The following TNRC6B variants were observed in gnomAD, a reference collection of about 807,000 sequenced individuals.
TNRC6B encodes trinucleotide repeat-containing gene 6B protein.
TNRC6B carries 52 observed loss-of-function variants against 203.6 expected under a neutral mutation model. The observed-to-expected ratio is 0.26, with a 90% CI of 0.20 to 0.32. The LOEUF (loss-of-function observed/expected upper bound fraction) is 0.32, where lower values mean the gene tolerates loss of function less well. Ranked by LOEUF, TNRC6B falls within the 10% of genes least tolerant of loss-of-function variation. The pLI, the probability that TNRC6B is intolerant of heterozygous loss-of-function variation, is 1.00. For missense variants in TNRC6B, 1,923 were observed against 2,286.2 expected, an observed-to-expected ratio of 0.84 and a Z score of 3.24; for synonymous variants, 838 against 845.7, an observed-to-expected ratio of 0.99 and a Z score of 0.16.
intron 13 of TNRC6B, 21 bp from the exon 14 acceptor site, chr22:40,300,889 T>C (rs768803760): frequency 1.2e-6 from 2 of 1,609,926 alleles, no homozygotes; most frequent in South Asian, 1.1e-5. Flanking sequence ...TGGTTTTCTG[T>C]CTTTCCCCCT....
rs1210757647 is a variant in TNRC6B at position 40,332,273 on chromosome 22, T to C, written c.*9032T>C. On this transcript the variant is annotated 3_prime_UTR_variant, in exon 23 of 23. Coordinates refer to ENST00000454349, the MANE Select transcript of TNRC6B (RefSeq NM_001162501.2). Reference sequence around the variant, plus strand: ...CTTTGTGGGGAAGAGGGCTGTTGCTTGTCAGGCAAAAAAGTTTTCTCTTCC... The same window carrying C: ...CTTTGTGGGGAAGAGGGCTGTTGCTCGTCAGGCAAAAAAGTTTTCTCTTCC... 2 of 152,530 alleles carry C rather than the reference T, an allele frequency of 1.3e-5. No homozygotes were observed. Among genetic ancestry groups the C allele is most frequent in the Non-Finnish European group, 2.9e-5 (2 of 68,036 alleles). 9.4% of individuals were successfully genotyped at this position (152,530 alleles called of 1,614,324 possible).
intron 1 of TNRC6B, among the ~76,000 whole-genome samples, chr22:40,048,858 T>C (rs138218644): frequency 1.3e-5 from 2 of 152,086 alleles, no homozygotes; most frequent in East Asian, 3.9e-4. Context: ...TTCTTGTCTT[T>C]CTGACAGAGT....
chr22:40,083,826 T>C (rs560613713), intron 1 of TNRC6B, among the ~76,000 whole-genome samples: 1 of 152,162 alleles, frequency 6.6e-6, no homozygotes. Context: ...CAGATCGTTG[T>C]ATTATGGTAT....
At chr22:40,304,916 G>A (rs1033117229) in intron 15 of TNRC6B, among the ~76,000 whole-genome samples, 4 of 152,162 alleles carry the variant, frequency 2.6e-5, no homozygotes, top group African/African-American at 9.7e-5. Context: ...ACTTAGAACA[G>A]TTGTGTTAGG....
At chr22:40,279,928 G>T (rs1334264180) in intron 9 of TNRC6B, 67 bp from the exon 10 acceptor site, 1 of 1,470,234 alleles carries the variant, frequency 6.8e-7, no homozygotes, top group Non-Finnish European at 9.5e-7. Flanking sequence ...AGTGGGGCAG[G>T]TCACTCTTGG....
chr22:40,208,125 AAAAAAAAC>A lies in TNRC6B; in HGVS notation c.5+29996_5+30003del, dbSNP rs1476138495. Among the ~76,000 whole-genome samples, 329 of 149,976 alleles carry A rather than the reference AAAAAAAAC, an allele frequency of 2.2e-3. 2 individuals carry two copies. Among genetic ancestry groups the A allele is most frequent in the Non-Finnish European group, 3.5e-3 (238 of 67,106 alleles). On this transcript the variant is annotated intron_variant, in intron 1 of 22. Transcript: ENST00000454349. ...GGACTCCATCTCAAAAAAAAAAAAA[AAAAAAAAC>A]AAAAAAACAAGAAAAAAACAAGTTT...
intron 2 of TNRC6B, among the ~76,000 whole-genome samples, chr22:40,248,464 A>C (rs1240546760): frequency 6.6e-6 from 1 of 152,250 alleles, no homozygotes; most frequent in African/African-American, 2.4e-5. Context: ...TAGAGAGTAT[A>C]TATTCCTCTT....
intron 3 of TNRC6B, among the ~76,000 whole-genome samples, chr22:40,149,326 A>G (rs1487587840): frequency 1.3e-5 from 2 of 152,166 alleles, no homozygotes; most frequent in East Asian, 3.9e-4. Flanking sequence ...ATCTATAGTG[A>G]TAGAAAGTTC....
At chr22:40,120,478 T>G (rs1051460317) in intron 2 of TNRC6B, among the ~76,000 whole-genome samples, 1 of 152,142 alleles carries the variant, frequency 6.6e-6, no homozygotes, top group African/African-American at 2.4e-5. Context: ...TGGAAAGATT[T>G]GCCTGCGTGA....
chr22:40,234,537 A>G (rs1403821916), intron 1 of TNRC6B, among the ~76,000 whole-genome samples: 1 of 152,236 alleles, frequency 6.6e-6, no homozygotes, highest in Non-Finnish European at 1.5e-5. Context: ...GCGTTTAACA[A>G]GATACCCATT....
intron 1 of TNRC6B, among the ~76,000 whole-genome samples, chr22:40,052,934 T>C (rs917182664): frequency 6.6e-6 from 1 of 152,234 alleles, no homozygotes; most frequent in Non-Finnish European, 1.5e-5. Flanking sequence ...ATGCTTTGTC[T>C]TTCTAGTTAG....
intron 1 of TNRC6B, among the ~76,000 whole-genome samples, chr22:40,083,151 A>C (rs1415712803): frequency 2.6e-5 from 4 of 152,226 alleles, no homozygotes; most frequent in Non-Finnish European, 4.4e-5. Context: ...ATAGAATCAG[A>C]GGAGGATGAA....
At chr22:40,111,231 G>A (rs1426149081) in intron 1 of TNRC6B, among the ~76,000 whole-genome samples, 5 of 152,242 alleles carry the variant, frequency 3.3e-5, no homozygotes, top group Admixed American at 3.3e-4. Context: ...AAACCACGTG[G>A]TGCTCAAGGG....
intron 19 of TNRC6B, among the ~76,000 whole-genome samples, chr22:40,314,008 A>G (rs2071222904): frequency 6.6e-6 from 1 of 151,948 alleles, no homozygotes; most frequent in Admixed American, 6.6e-5. Context: ...CCTACATTAC[A>G]CTTTTGTAGG....
intron 3 of TNRC6B, among the ~76,000 whole-genome samples, chr22:40,148,838 T>C (rs1568998509): frequency 6.6e-6 from 1 of 152,122 alleles, no homozygotes; most frequent in South Asian, 2.1e-4. Flanking sequence ...AAAAATACCA[T>C]GTGAAACTGA....
chr22:40,103,041 C>T (rs1209147062), intron 1 of TNRC6B, among the ~76,000 whole-genome samples: 2 of 152,002 alleles, frequency 1.3e-5, no homozygotes, highest in Non-Finnish European at 2.9e-5. Flanking sequence ...CGCACCATTG[C>T]ACTCCAGCCT....
At chr22:40,236,611 C>G (rs1195525585) in intron 1 of TNRC6B, among the ~76,000 whole-genome samples, 2 of 152,164 alleles carry the variant, frequency 1.3e-5, no homozygotes, top group Non-Finnish European at 2.9e-5. Flanking sequence ...GGTTTTGATG[C>G]TGTTACAGCC....
Position 40,095,898 on chromosome 22 carries a change from A to G in TNRC6B, c.-120-21157A>G, listed in dbSNP as rs776415030. On this transcript the variant is annotated intron_variant, in intron 1 of 23. Transcript: ENST00000301923. Reference sequence around the variant, plus strand: ...ACAAGTACCACAACCTGTAACCCTCATGCTCAAGGCGGATGTTATTGATAA... The same window carrying G: ...ACAAGTACCACAACCTGTAACCCTCGTGCTCAAGGCGGATGTTATTGATAA... Among the ~76,000 whole-genome samples, 111 of 151,994 alleles carry G rather than the reference A, an allele frequency of 7.3e-4. 1 individual carries two copies. Among genetic ancestry groups the G allele is most frequent in the Non-Finnish European group, 1.4e-3 (97 of 67,994 alleles).
Position 40,329,125 on chromosome 22 carries a change from T to C in TNRC6B, c.*5884T>C, listed in dbSNP as rs984886521. On this transcript the variant is annotated 3_prime_UTR_variant, in exon 23 of 23. Transcript: ENST00000454349. ...CCGCGTGATGATGCGGATGAAAATA[T>C]TCTGGTCTGTGTGTATACAATGAAT... 2.0e-5 allele frequency: 3 copies of C among 152,426 alleles called. No homozygotes were observed. The highest frequency in any genetic ancestry group is 7.2e-5 in the African/African-American group (3 of 41,576). The allele number at this position is 152,426 out of a possible 1,614,324, so 9.4% of individuals were successfully genotyped here. A position where few individuals can be genotyped will look rare whatever the true frequency, so the allele number is the denominator to read the frequency against.
Sources: gnomAD v4.1 joint callset for allele counts (sites outside exome capture counted in the v4.1 genomes callset) on GRCh38, gnomAD v4.1.1 for gene constraint, MANE v1.5 for transcripts, NCBI Gene and HGNC (gene_info 2026-07-23, HGNC 2026-07-21) for gene names.